The following OR3A2 variants were observed in gnomAD, a reference collection of about 807,000 sequenced individuals.
The protein encoded by OR3A2 is olfactory receptor 3A2.
For synonymous variants in OR3A2, 126 were observed against 159.3 expected, an observed-to-expected ratio of 0.79 and a Z score of 1.57; for missense variants, 318 against 392.8, an observed-to-expected ratio of 0.81 and a Z score of 1.61.
intron 2 of OR3A2, among the ~76,000 whole-genome samples, chr17:3,354,589 G>C (rs781169265): frequency 6.6e-6 from 1 of 151,184 alleles, no homozygotes. Context: ...TCAAAGTTCC[G>C]TGGTATCAGT....
intron 3 of OR3A2, among the ~76,000 whole-genome samples, chr17:3,315,710 CTAAA>C (rs1045131012): frequency 4.8e-5 from 7 of 144,494 alleles, no homozygotes; most frequent in African/African-American, 1.8e-4. Flanking sequence ...CAATAACTAA[CTAAA>C]TAAATAAAAC....
At chr17:3,292,553 T>C in intron 3 of OR3A2, 1 of 1,611,604 alleles carries the variant, frequency 6.2e-7, no homozygotes. Flanking sequence ...CAGCAATGAC[T>C]GTTCCATTGG....
At chr17:3,365,994 C>T (rs535057253) in intron 2 of OR3A2, among the ~76,000 whole-genome samples, 6 of 152,134 alleles carry the variant, frequency 3.9e-5, no homozygotes, top group Non-Finnish European at 8.8e-5. Context: ...CTCCTGGGCA[C>T]CACTGCTAGA....
chr17:3,342,615 G>T (rs1002771115), intron 2 of OR3A2, among the ~76,000 whole-genome samples: 1 of 152,232 alleles, frequency 6.6e-6, no homozygotes, highest in Non-Finnish European at 1.5e-5. Context: ...AAATATTGCA[G>T]AACAGCAAAT....
chr17:3,357,356 C>A (rs553076188), intron 2 of OR3A2, among the ~76,000 whole-genome samples: 1 of 151,572 alleles, frequency 6.6e-6, no homozygotes, highest in Non-Finnish European at 1.5e-5. Flanking sequence ...TTTCAGTTTC[C>A]TGTAAAGGCA....
At chr17:3,286,000 T>A (rs1376913106), upstream of OR3A2, among the ~76,000 whole-genome samples, 1 of 152,194 alleles carries the variant, frequency 6.6e-6, no homozygotes, top group Admixed American at 6.5e-5. Context: ...TGTGCCATGG[T>A]GGTTTGCTGC....
intron 2 of OR3A2, among the ~76,000 whole-genome samples, chr17:3,366,717 A>G (rs998846556): frequency 6.6e-6 from 1 of 152,202 alleles, no homozygotes; most frequent in African/African-American, 2.4e-5. Context: ...TGAGTCTGTG[A>G]GAAAATGTAA....
chr17:3,311,060 G>A lies in OR3A2; in HGVS notation c.-85+24973C>T. The A allele has an allele frequency of 3.7e-6, 2 of 546,062 alleles. No individual in the cohort carries two copies. Among genetic ancestry groups the A allele is most frequent in the South Asian group, 1.4e-5 (1 of 72,554 alleles). 33.8% of individuals were successfully genotyped at this position (546,062 alleles called of 1,614,324 possible). On this transcript the variant is annotated intron_variant, in intron 3 of 4. Transcript: ENST00000573491. The surrounding 1 kb of genome is among the most constrained non-coding windows in gnomAD (Gnocchi z 4.6). ...CCACGTGTAGTTCCCACCTCACTGT[G>A]GTGGGCATCTTCTATGGGACGGGCG...
chr17:3,367,949 G>A (rs1453581557), intron 2 of OR3A2, among the ~76,000 whole-genome samples: 3 of 152,064 alleles, frequency 2.0e-5, no homozygotes, highest in South Asian at 2.1e-4. Context: ...GGAGTAAGCT[G>A]GTATTTCATT....
intron 1 of OR3A2, among the ~76,000 whole-genome samples, chr17:3,385,131 T>C (rs1054829453): frequency 1.3e-5 from 2 of 152,016 alleles, no homozygotes; most frequent in South Asian, 2.1e-4. Flanking sequence ...GAGGCAGAGG[T>C]TGCGGTGAGC....
chr17:3,370,531 T>C (rs1301557110), intron 2 of OR3A2, among the ~76,000 whole-genome samples: 1 of 152,244 alleles, frequency 6.6e-6, no homozygotes, highest in Non-Finnish European at 1.5e-5. Flanking sequence ...AATTCTGCTC[T>C]GATCTTTGTT....
At chr17:3,344,562 A>C (rs1413991368) in intron 2 of OR3A2, among the ~76,000 whole-genome samples, 1 of 152,116 alleles carries the variant, frequency 6.6e-6, no homozygotes, top group Non-Finnish European at 1.5e-5. Flanking sequence ...TTTGCCTGCA[A>C]ACCTGACCAC....
At chr17:3,297,985 T>A (rs1453745604) in intron 3 of OR3A2, among the ~76,000 whole-genome samples, 2 of 152,088 alleles carry the variant, frequency 1.3e-5, no homozygotes, top group South Asian at 2.1e-4. Flanking sequence ...GTTCTTCTTT[T>A]TTATTAGTTT....
In OR3A2 at chr17:3,385,449, GGATA is replaced by G. The variant is rs56810423; in HGVS notation, c.-275+672_-275+675del. The stretch of plus-strand genomic sequence containing the variant: ...AGACAGATGGATAGATGATAGAGGA[GGATA>G]GATAGATAGATAGATAGAGGAGTTT... On this transcript the variant is annotated intron_variant, in intron 1 of 4. Transcript: ENST00000573491. Among the ~76,000 whole-genome samples the G allele has an allele frequency of 6.2e-3, 945 of 152,078 alleles. 7 individuals carry two copies. Among genetic ancestry groups the G allele is most frequent in the Non-Finnish European group, 8.2e-3 (558 of 67,992 alleles).
intron 2 of OR3A2, among the ~76,000 whole-genome samples, chr17:3,366,054 T>C (rs2150661738): frequency 6.6e-6 from 1 of 152,168 alleles, no homozygotes; most frequent in South Asian, 2.1e-4. Flanking sequence ...CACTCAAGAG[T>C]CAAAATACCA....
intron 2 of OR3A2, among the ~76,000 whole-genome samples, chr17:3,342,100 G>A (rs1323814958): frequency 2.0e-5 from 3 of 152,006 alleles, no homozygotes; most frequent in African/African-American, 7.2e-5. Context: ...CTTGTGTCAC[G>A]GTTTTCAGCT....
chr17:3,350,545 C>T (rs1233220239), intron 2 of OR3A2, among the ~76,000 whole-genome samples: 7 of 151,372 alleles, frequency 4.6e-5, no homozygotes, highest in Middle Eastern at 3.4e-3. Flanking sequence ...TAATCAATAG[C>T]TTACCAACCA....
At position 3,361,735 on chromosome 17, in the gene OR3A2, T is replaced by C. The variant is rs2049518554; in HGVS notation, c.-179+22069A>G. Reference sequence around the variant, plus strand: ...GATTACATTTATTGATTTGTGTATGTTGAACCAGCCTTGCATCCCAGGGAT... The same window carrying C: ...GATTACATTTATTGATTTGTGTATGCTGAACCAGCCTTGCATCCCAGGGAT... On this transcript the variant is annotated intron_variant, in intron 2 of 4. Coordinates refer to the OR3A2 transcript ENST00000573491. 2.6e-5 allele frequency among the ~76,000 whole-genome samples: 4 copies of C among 151,888 alleles called. 1 individual carries two copies. In the South Asian group the frequency reaches 8.3e-4, roughly 31 times the overall value.
At position 3,350,662 on chromosome 17, in the gene OR3A2, A is replaced by C. The variant is rs1029171514; in HGVS notation, c.-178-14536T>G. Among the ~76,000 whole-genome samples the C allele has an allele frequency of 4.0e-4, 60 of 150,644 alleles. No individual in the cohort carries two copies. The East Asian group carries it at 7.8e-3, about 20-fold the overall frequency. ...TATTCCAATCAATAGAAAAAGAGGG[A>C]ATCCTCCCTAACTCATTTTATGAGG... On this transcript the variant is annotated intron_variant, in intron 2 of 4. Coordinates refer to the OR3A2 transcript ENST00000573491.
Sources: gnomAD v4.1 joint callset for allele counts (sites outside exome capture counted in the v4.1 genomes callset) on GRCh38, gnomAD v4.1.1 for gene constraint, Gnocchi (gnomAD v3.1) non-coding constraint, MANE v1.5 for transcripts, NCBI Gene and HGNC (gene_info 2026-07-23, HGNC 2026-07-21) for gene names.